The following KNL1 variants were observed in gnomAD, a reference collection of about 807,000 sequenced individuals.
The protein encoded by KNL1 is outer kinetochore KNL1 complex subunit KNL1.
KNL1 carries 66 observed loss-of-function variants against 201.3 expected under a neutral mutation model. That is an observed-to-expected ratio of 0.33 (90% CI 0.27 to 0.40). The LOEUF is 0.40. KNL1 is among the 10% of genes least tolerant of loss of function. The probability of loss-of-function intolerance (pLI) is 1.00; values close to 1 mark genes in which losing one functional copy is unlikely to be tolerated. For missense variants in KNL1, 2,815 were observed against 2,690.5 expected (o/e 1.05, Z -1.02); for synonymous variants, 895 against 899.2 (o/e 1.00, Z 0.08).
rs1355742664 is a variant in KNL1 at position 40,594,306 on chromosome 15, C to G, written c.-104C>G. ...GTTGTGAGCGGACTGCTAGAGGCGG[C>G]TGTCTGTTTCCGCTCTAAGGAAACT... On this transcript the variant is annotated 5_prime_UTR_variant, in exon 1 of 26. Transcript: ENST00000399668. The G allele has an allele frequency of 2.0e-5, 3 of 152,286 alleles. No homozygotes were observed. Among genetic ancestry groups the G allele is most frequent in the East Asian group, 1.9e-4 (1 of 5,196 alleles). The allele number at this position is 152,286 out of a possible 1,614,324, so 9.4% of individuals were successfully genotyped here. A position where few individuals can be genotyped will look rare whatever the true frequency, so the allele number is the denominator to read the frequency against.
intron 13 of KNL1, among the ~76,000 whole-genome samples, chr15:40,635,512 G>A (rs1024065344): frequency 5.3e-5 from 8 of 151,964 alleles, no homozygotes; most frequent in East Asian, 1.9e-4. Flanking sequence ...ACACCACCAC[G>A]CCTGGCTAAT....
intron 13 of KNL1, among the ~76,000 whole-genome samples, chr15:40,633,071 A>G (rs1414910729): frequency 6.6e-6 from 1 of 151,804 alleles, no homozygotes; most frequent in Non-Finnish European, 1.5e-5. Context: ...GCTCACACCT[A>G]TAATTCCAGT....
chr15:40,650,034 A>G (rs976209434), intron 17 of KNL1: 9 of 273,756 alleles, frequency 3.3e-5, no homozygotes, highest in Non-Finnish European at 6.2e-5. Flanking sequence ...AGTGCCTAGT[A>G]CATGTTTTTT....
chr15:40,600,188 G>A (rs1891749271), intron 1 of KNL1, among the ~76,000 whole-genome samples: 1 of 150,178 alleles, frequency 6.7e-6, no homozygotes, highest in South Asian at 2.1e-4. Flanking sequence ...CAATTCTCCT[G>A]CCTCAGCCTC....
intron 4 of KNL1, among the ~76,000 whole-genome samples, chr15:40,607,471 T>C (rs1320113903): frequency 6.6e-6 from 1 of 152,194 alleles, no homozygotes; most frequent in Non-Finnish European, 1.5e-5. Flanking sequence ...TTTCTGATTC[T>C]TTATTATAAT....
intron 8 of KNL1, among the ~76,000 whole-genome samples, chr15:40,618,277 T>G (rs1421937928): frequency 6.6e-6 from 1 of 152,058 alleles, no homozygotes; most frequent in Non-Finnish European, 1.5e-5. Flanking sequence ...AGTAACTTCC[T>G]TATTGGTTTA....
chr15:40,661,579 G>A (rs966658978), intron 25 of KNL1, among the ~76,000 whole-genome samples: 9 of 152,156 alleles, frequency 5.9e-5, no homozygotes, highest in Non-Finnish European at 1.3e-4. Flanking sequence ...GCTAGGTTAA[G>A]ATACTTCACA....
At position 40,622,488 on chromosome 15, in the gene KNL1, A is replaced by G; in HGVS notation, c.2224A>G (p.Asn742Asp). ...TGAGCCACTGAGGAAAAGTTTAAGC[A>G]ATCCCACACCTGACTATTGCCATGA... ...LAEPLRKSLS[N>D]PTPDYCHDKM... Residue 742 changes from asparagine (N) to aspartate (D), a missense_variant, in exon 10 of 26, where the codon AAT becomes GAT. Coordinates refer to ENST00000399668, the MANE Select transcript of KNL1 (RefSeq NM_144508.5). 1 of 1,614,054 alleles carries G rather than the reference A, an allele frequency of 6.2e-7. No homozygotes were observed. Among genetic ancestry groups the G allele is most frequent in the Non-Finnish European group, 8.5e-7 (1 of 1,179,928 alleles).
intron 22 of KNL1, among the ~76,000 whole-genome samples, chr15:40,656,836 A>C (rs1007382010): frequency 6.6e-6 from 1 of 152,154 alleles, no homozygotes; most frequent in African/African-American, 2.4e-5. Context: ...CAGTGAGCCA[A>C]GATCACGCCA....
chr15:40,626,121 G>A (rs1892745233), intron 10 of KNL1: 1 of 152,070 alleles, frequency 6.6e-6, no homozygotes, highest in African/African-American at 2.4e-5. Context: ...TAGAAGTTGA[G>A]AGTCCATTTT....
chr15:40,615,459 C>A, intron 8 of KNL1, 81 bp downstream of exon 8: 1 of 371,032 alleles, frequency 2.7e-6, no homozygotes, highest in Non-Finnish European at 4.9e-6. Flanking sequence ...GTACAAGAAA[C>A]CATGAACCAC....
chr15:40,650,402 A>C, intron 18 of KNL1, 24 bp downstream of exon 18: 1 of 1,587,678 alleles, frequency 6.3e-7, no homozygotes, highest in Non-Finnish European at 8.6e-7. Context: ...TTAAGGAGAT[A>C]AATGGGTGTG....
In KNL1 at chr15:40,594,279, G is replaced by A. The variant is rs139260238; in HGVS notation, c.-131G>A. 3.3e-5 allele frequency: 5 copies of A among 152,414 alleles called. No homozygotes were observed. In the East Asian group the frequency reaches 5.8e-4, roughly 18 times the overall value. The allele number at this position is 152,414 out of a possible 1,614,324, so 9.4% of individuals were successfully genotyped here. On this transcript the variant is annotated 5_prime_UTR_variant, in exon 1 of 26. Coordinates refer to ENST00000399668, the MANE Select transcript of KNL1 (RefSeq NM_144508.5). The stretch of plus-strand genomic sequence containing the variant: ...TGAATACTTCACTGAGGCGAGCCGG[G>A]CGTTGTGAGCGGACTGCTAGAGGCG...
Position 40,621,546 on chromosome 15 carries a change from G to T in KNL1, c.1282G>T (p.Val428Phe). The T allele has an allele frequency of 1.2e-6, 2 of 1,611,244 alleles. No individual in the cohort carries two copies. The highest frequency in any genetic ancestry group is 4.5e-5 in the East Asian group (2 of 44,864). Reference sequence around the variant, plus strand: ...TCCATCTATTCAAGGTTGTAAGACTGTTTTCTATTCTAGTTGTAATGATGC... The same window carrying T: ...TCCATCTATTCAAGGTTGTAAGACTTTTTTCTATTCTAGTTGTAATGATGC... ...SNPSIQGCKT[V>F]FYSSCNDAME... The change falls in exon 10 of 26, where the codon GTT becomes TTT. Residue 428 changes from valine to phenylalanine, a missense_variant. By Grantham distance (50) the Val-to-Phe change is conservative. Transcript: ENST00000399668.
At chr15:40,594,432 G>C (rs746128362) in intron 1 of KNL1, 40 bp downstream of exon 1, 2 of 152,272 alleles carry the variant, frequency 1.3e-5, no homozygotes, top group Non-Finnish European at 2.9e-5. Flanking sequence ...TTCAGGGAAG[G>C]CTTCGGGTTT....
intron 2 of KNL1, among the ~76,000 whole-genome samples, chr15:40,604,014 T>G (rs1386635075): frequency 1.3e-5 from 2 of 152,084 alleles, no homozygotes; most frequent in Non-Finnish European, 2.9e-5. Flanking sequence ...GGGGAGGTGC[T>G]TTTGCCCCAG....
chr15:40,604,882 T>G (rs1891924950), intron 2 of KNL1, among the ~76,000 whole-genome samples: 1 of 152,202 alleles, frequency 6.6e-6, no homozygotes, highest in Non-Finnish European at 1.5e-5. Context: ...TATGGTAAAT[T>G]ATGTTGTACT....
intron 11 of KNL1, 66 bp downstream of exon 11, chr15:40,628,274 T>A: frequency 6.8e-7 from 1 of 1,475,286 alleles, no homozygotes; most frequent in South Asian, 1.4e-5. Flanking sequence ...TAAGTAGTTT[T>A]CAGTTCAGGA....
At chr15:40,616,687 C>G (rs1271633657) in intron 8 of KNL1, among the ~76,000 whole-genome samples, 1 of 152,056 alleles carries the variant, frequency 6.6e-6, no homozygotes, top group Non-Finnish European at 1.5e-5. Flanking sequence ...ATTTCTTATC[C>G]TTCCAATCCA....
Sources: allele counts gnomAD v4.1 joint callset (sites outside exome capture counted in the v4.1 genomes callset), GRCh38; gene constraint gnomAD v4.1.1; transcripts MANE v1.5; gene names NCBI Gene and HGNC (gene_info 2026-07-23, HGNC 2026-07-21).